Variants in PRR5 observed in about 807,000 individuals in gnomAD.
PRR5 encodes the protein proline rich 5, also known as proline-rich protein 5.
PRR5 carries 25 observed loss-of-function variants against 30.6 expected under a neutral mutation model. That is an observed-to-expected ratio of 0.82 (90% CI 0.60 to 1.14). The LOEUF (loss-of-function observed/expected upper bound fraction) is 1.14, where lower values mean the gene tolerates loss of function less well. Ranked by LOEUF, PRR5 falls within the 50% of genes most tolerant of loss-of-function variation. The pLI, the probability that PRR5 is intolerant of heterozygous loss-of-function variation, is 0.00. For missense variants in PRR5, 600 were observed against 547.1 expected (o/e 1.10, Z -0.96); for synonymous variants, 286 against 247.1 (o/e 1.16, Z -1.48).
chr22:44,724,061 T>G (rs1402663549), intron 2 of PRR5, among the ~76,000 whole-genome samples: 2 of 152,222 alleles, frequency 1.3e-5, no homozygotes, highest in Non-Finnish European at 2.9e-5. Context: ...CAGCAGAGCT[T>G]GTACTTAACC....
intron 1 of PRR5, among the ~76,000 whole-genome samples, chr22:44,679,092 C>A (rs528020872): frequency 2.0e-5 from 3 of 152,176 alleles, no homozygotes; most frequent in African/African-American, 7.2e-5. Context: ...AGCTGAGTGA[C>A]CCTGAGTGAC....
chr22:44,699,092 G>A (rs373139124), upstream of PRR5, among the ~76,000 whole-genome samples: 27 of 152,296 alleles, frequency 1.8e-4, no homozygotes, highest in African/African-American at 5.5e-4. Context: ...ATTCCTTAAC[G>A]CTGACTAGAG....
intron 7 of PRR5, among the ~76,000 whole-genome samples, chr22:44,736,018 G>A (rs1222948964): frequency 6.6e-6 from 1 of 152,114 alleles, no homozygotes; most frequent in Admixed American, 6.5e-5. Context: ...CGTGTGTGTC[G>A]CCCGCCACCT....
intron 1 of PRR5, chr22:44,679,980 C>A: frequency 1.7e-6 from 2 of 1,162,330 alleles, no homozygotes; most frequent in Non-Finnish European, 2.4e-6. Flanking sequence ...GTGAGTAGGA[C>A]GGCGAGAGAC....
chr22:44,713,697 G>A (rs1411144446), intron 1 of PRR5, among the ~76,000 whole-genome samples: 4 of 152,124 alleles, frequency 2.6e-5, no homozygotes, highest in Non-Finnish European at 4.4e-5. Context: ...CACCAGTCAC[G>A]TTGAGCAGTT....
At chr22:44,708,090 T>C (rs1927521701) in intron 1 of PRR5, among the ~76,000 whole-genome samples, 1 of 151,998 alleles carries the variant, frequency 6.6e-6, no homozygotes, top group South Asian at 2.1e-4. Context: ...TCCCAGCTAC[T>C]TTGGGACGTT....
Position 44,714,563 on chromosome 22 carries a change from T to G in PRR5, c.135-28T>G, listed in dbSNP as rs200003113. 1.1e-4 allele frequency: 178 copies of G among 1,611,058 alleles called. No individual in the cohort carries two copies. In the African/African-American group the frequency reaches 2.3e-3, roughly 21 times the overall value. ...CCAGGGGGCTCTCAGACCTCAGGAC[T>G]GCAGTGTTTTCTTCCCTCTGCCCCC... On this transcript the variant is annotated intron_variant, in intron 1 of 7. Transcript: ENST00000336985.
Position 44,729,933 on chromosome 22 carries a change from G to A in PRR5, c.323-1797G>A, listed in dbSNP as rs1288643039. The A allele has an allele frequency of 4.1e-6, 4 of 985,364 alleles. No individual in the cohort carries two copies. In the African/African-American group the frequency reaches 7.0e-5, roughly 17 times the overall value. 61.0% of individuals were successfully genotyped at this position (985,364 alleles called of 1,614,324 possible). ...CGGAGGGGGACTGAAGGGACTTTGT[G>A]TGTGGGCACAGTTCGGCGGGGCGGT... On this transcript the variant is annotated intron_variant, in intron 4 of 7. Transcript: ENST00000336985.
chr22:44,680,049 T>C (rs1245125792), intron 1 of PRR5, among the ~76,000 whole-genome samples: 3 of 152,108 alleles, frequency 2.0e-5, no homozygotes, highest in African/African-American at 7.2e-5. Context: ...GGGTGAGCAG[T>C]GATGTCAGTC....
intron 6 of PRR5, chr22:44,734,754 A>C (rs1922882640): frequency 7.6e-6 from 4 of 529,642 alleles, no homozygotes. Flanking sequence ...GGTGCAGAAC[A>C]CCCATCTCAT....
chr22:44,715,646 G>A (rs1370448354), intron 2 of PRR5, among the ~76,000 whole-genome samples: 2 of 152,198 alleles, frequency 1.3e-5, no homozygotes, highest in East Asian at 1.9e-4. Flanking sequence ...CAGGGGGCGG[G>A]GTGGGGGGCA....
At chr22:44,736,546 A>T (rs530762379) in intron 7 of PRR5, among the ~76,000 whole-genome samples, 2 of 152,306 alleles carry the variant, frequency 1.3e-5, no homozygotes, top group East Asian at 3.9e-4. Flanking sequence ...CAGGCATTTG[A>T]CTTGAGGTCC....
chr22:44,706,149 C>T (rs972484512), intron 1 of PRR5, among the ~76,000 whole-genome samples: 2 of 152,144 alleles, frequency 1.3e-5, no homozygotes, highest in African/African-American at 4.8e-5. Flanking sequence ...TAGGGCCCAT[C>T]CTTAGTTAAG....
chr22:44,674,854 G>T (rs528548287), upstream of PRR5, among the ~76,000 whole-genome samples: 4 of 152,240 alleles, frequency 2.6e-5, no homozygotes, highest in African/African-American at 9.6e-5. Context: ...GGTGAGGCAG[G>T]AGAATTGCTT....
chr22:44,709,064 C>T (rs979072909), intron 1 of PRR5, among the ~76,000 whole-genome samples: 3 of 148,174 alleles, frequency 2.0e-5, no homozygotes, highest in African/African-American at 7.9e-5. Flanking sequence ...CAGGTCTCAC[C>T]GGGAGCACGT....
chr22:44,673,121 G>T (rs1379489708), upstream of PRR5, among the ~76,000 whole-genome samples: 1 of 152,196 alleles, frequency 6.6e-6, no homozygotes, highest in Non-Finnish European at 1.5e-5. Flanking sequence ...CCCAGCAAAA[G>T]CAATCCACCT....
intron 1 of PRR5, among the ~76,000 whole-genome samples, chr22:44,713,944 C>T (rs1928654919): frequency 6.6e-6 from 1 of 152,250 alleles, no homozygotes; most frequent in Non-Finnish European, 1.5e-5. Flanking sequence ...GCTGGGACTA[C>T]AGGCGCCCGC....
Position 44,736,827 on chromosome 22 carries a change from G to A in PRR5, c.747G>A (p.Val249=). ...GGGACGTGCTGGCCAAGAACCCTGT[G>A]GTGCGCTCCAAGAGCTACAACACGC... ...RSGDVLAKNP[V]VRSKSYNTPL... The change falls in exon 8 of 8, where the codon GTG becomes GTA. Residue 249 remains valine, a synonymous_variant. Coordinates refer to ENST00000336985, the MANE Select transcript of PRR5 (RefSeq NM_181333.4). 1 of 1,592,524 alleles carries A rather than the reference G, an allele frequency of 6.3e-7. No homozygotes were observed. The highest frequency in any genetic ancestry group is 1.1e-5 in the South Asian group (1 of 90,336).
At chr22:44,721,902 C>T (rs1929995134) in intron 2 of PRR5, among the ~76,000 whole-genome samples, 1 of 152,248 alleles carries the variant, frequency 6.6e-6, no homozygotes, top group African/African-American at 2.4e-5. Context: ...TGGTGCCCTG[C>T]TCTCTGGCAT....
Sources: gnomAD v4.1 joint callset for allele counts (sites outside exome capture counted in the v4.1 genomes callset) on GRCh38, gnomAD v4.1.1 for gene constraint, MANE v1.5 for transcripts, NCBI Gene and HGNC (gene_info 2026-07-23, HGNC 2026-07-21) for gene names.